Variants in AGFG2 observed in about 807,000 individuals in gnomAD.
AGFG2 encodes the protein arf-GAP domain and FG repeat-containing protein 2.
In AGFG2, 31 loss-of-function variants were observed where a neutral mutation model predicts 48.0. That is an observed-to-expected ratio of 0.65 (90% CI 0.49 to 0.87). The LOEUF (loss-of-function observed/expected upper bound fraction) is 0.87, where lower values mean the gene tolerates loss of function less well. Among genes scored for constraint, AGFG2 ranks in the 40% least tolerant of loss-of-function variants. The probability of loss-of-function intolerance (pLI) is 0.00; values close to 1 mark genes in which losing one functional copy is unlikely to be tolerated. For missense variants in AGFG2, 599 were observed against 632.6 expected, an observed-to-expected ratio of 0.95 and a Z score of 0.57; for synonymous variants, 229 against 260.8, an observed-to-expected ratio of 0.88 and a Z score of 1.18.
chr7:100,541,502 G>A (rs142035668), intron 1 of AGFG2, among the ~76,000 whole-genome samples: 1 of 152,122 alleles, frequency 6.6e-6, no homozygotes, highest in Admixed American at 6.5e-5. Context: ...GGTCGGGCTC[G>A]GTGGCTCAGT....
At position 100,565,276 on chromosome 7, in the gene AGFG2, C is replaced by G. The variant is rs1038117372; in HGVS notation, c.*285C>G. 1.2e-4 allele frequency: 60 copies of G among 515,830 alleles called. No homozygotes were observed. Among genetic ancestry groups the G allele is most frequent in the African/African-American group, 1.0e-3 (53 of 52,062 alleles). 32.0% of individuals were successfully genotyped at this position (515,830 alleles called of 1,614,324 possible). A position where few individuals can be genotyped will look rare whatever the true frequency, so the allele number is the denominator to read the frequency against. On this transcript the variant is annotated 3_prime_UTR_variant, in exon 12 of 12. Transcript: ENST00000300176. Reference sequence around the variant, plus strand: ...GGGGGAGGGATTTTTTTCAAATGATCAGTCCCCTGTGGAACAGCTCTTCCC... The same window carrying G: ...GGGGGAGGGATTTTTTTCAAATGATGAGTCCCCTGTGGAACAGCTCTTCCC...
rs373297543 is a variant in AGFG2 at position 100,551,030 on chromosome 7, TTATATATATATATATATATATA to T, written c.431+535_431+556del. Among the ~76,000 whole-genome samples, 39 of 56,030 alleles carry T rather than the reference TTATATATATATATATATATATA, an allele frequency of 7.0e-4. 2 individuals carry two copies. The East Asian group carries it at 0.011, about 16-fold the overall frequency. 36.8% of individuals were successfully genotyped at this position (56,030 alleles called of 152,430 possible). A position where few individuals can be genotyped will look rare whatever the true frequency, so the allele number is the denominator to read the frequency against. ...GTGTGTGCCACCATGCCTGGCTAAT[TTATATATATATATATATATATA>T]TATATATATATATATTTCTTTTTTT... On this transcript the variant is annotated intron_variant, in intron 3 of 11. Coordinates refer to ENST00000300176, the MANE Select transcript of AGFG2 (RefSeq NM_006076.5).
intron 1 of AGFG2, among the ~76,000 whole-genome samples, chr7:100,540,695 CTG>C (rs568513053): frequency 4.6e-5 from 7 of 152,066 alleles, no homozygotes; most frequent in Non-Finnish European, 7.4e-5. Flanking sequence ...TTTTAAGACA[CTG>C]TTGTTTTTGT....
At chr7:100,556,849 C>G (rs1461762763) in intron 6 of AGFG2, among the ~76,000 whole-genome samples, 1 of 152,194 alleles carries the variant, frequency 6.6e-6, no homozygotes, top group Non-Finnish European at 1.5e-5. Context: ...AGCTGATTAG[C>G]TGCTTTTGTT....
rs116516146 is a variant in AGFG2, at chr7:100,545,926, T to C, written c.222-2896T>C. Reference sequence around the variant, plus strand: ...ATTCAGAAAGAAAAACTCTGACTCATAGGCCATGTAACTAGGCCCCCTTCC... The same window carrying C: ...ATTCAGAAAGAAAAACTCTGACTCACAGGCCATGTAACTAGGCCCCCTTCC... On this transcript the variant is annotated intron_variant, in intron 1 of 11. Transcript: ENST00000300176. 1.7e-3 allele frequency among the ~76,000 whole-genome samples: 264 copies of C among 152,328 alleles called. 2 individuals are homozygous for C. Among genetic ancestry groups the C allele is most frequent in the African/African-American group, 6.1e-3 (252 of 41,580 alleles).
At chr7:100,560,335 C>G (rs534794911) in intron 6 of AGFG2, among the ~76,000 whole-genome samples, 1 of 152,142 alleles carries the variant, frequency 6.6e-6, no homozygotes, top group Non-Finnish European at 1.5e-5. Context: ...TGCACCACCA[C>G]GCCCAGCTTA....
chr7:100,556,500 G>A lies in AGFG2; in HGVS notation c.877+765G>A, dbSNP rs1349308043. 9.7e-6 allele frequency: 11 copies of A among 1,128,476 alleles called. 1 individual carries two copies. The highest frequency in any genetic ancestry group is 4.8e-5 in the African/African-American group (3 of 62,132). 69.9% of individuals were successfully genotyped at this position (1,128,476 alleles called of 1,614,324 possible). The stretch of plus-strand genomic sequence containing the variant: ...TGGGAGGGCAGCTGCAGTGCTCGCC[G>A]TCAGGCTCAGATGTCTGGGGAAAAG... On this transcript the variant is annotated intron_variant, in intron 6 of 11. Transcript: ENST00000300176.
rs747880226 is a variant in AGFG2, at chr7:100,562,870, T to C, written c.1095T>C (p.Thr365=). Residue 365 remains threonine (T), a synonymous_variant, in exon 9 of 12, where the codon ACT becomes ACC. Coordinates refer to ENST00000300176, the MANE Select transcript of AGFG2 (RefSeq NM_006076.5). The surrounding 1 kb of genome is among the most constrained non-coding windows in gnomAD (Gnocchi z 5.4). The part of the protein sequence containing the change: ...SSTGLAFGAF[T]NPFTAPAAQS... The stretch of plus-strand genomic sequence containing the variant: ...CCCATTCCACCTGGGCAGCCTTCAC[T>C]AACCCTTTCACAGCTCCCGCCGCCC... The C allele has an allele frequency of 6.2e-7, 1 of 1,614,076 alleles. No homozygotes were observed. The highest frequency in any genetic ancestry group is 1.1e-5 in the South Asian group (1 of 91,082).
chr7:100,561,480 T>A (rs1168602719), intron 6 of AGFG2, among the ~76,000 whole-genome samples: 4 of 152,176 alleles, frequency 2.6e-5, no homozygotes, highest in Non-Finnish European at 5.9e-5. Context: ...CAGCCCAGTG[T>A]GGTCGATAGG....
In AGFG2 at chr7:100,562,822, C is replaced by A; in HGVS notation, c.1088-41C>A. Reference sequence around the variant, plus strand: ...TGAAGCACGTGAGAAAAAAAGTAACCATCTCTCTCTTTCCTGCCGCTCCCC... The same window carrying A: ...TGAAGCACGTGAGAAAAAAAGTAACAATCTCTCTCTTTCCTGCCGCTCCCC... On this transcript the variant is annotated intron_variant, in intron 8 of 11. Transcript: ENST00000300176. This position sits in a 1 kb window ranked among gnomAD's most constrained non-coding sequence, Gnocchi z 5.4. 1.2e-6 allele frequency: 2 copies of A among 1,607,692 alleles called. No homozygotes were observed. The highest frequency in any genetic ancestry group is 1.7e-6 in the Non-Finnish European group (2 of 1,174,420).
At chr7:100,550,357 C>G in intron 2 of AGFG2, 39 bp from the exon 3 acceptor site, 46 of 882,184 alleles carry the variant, frequency 5.2e-5, no homozygotes, top group Non-Finnish European at 7.6e-5. Flanking sequence ...GTATTTCCTG[C>G]TTTCTGCTCC....
chr7:100,550,124 T>C (rs1439507261), intron 2 of AGFG2, among the ~76,000 whole-genome samples: 1 of 152,026 alleles, frequency 6.6e-6, no homozygotes, highest in South Asian at 2.1e-4. Context: ...CTGGCCAACA[T>C]GGTGAAACCT....
Position 100,565,358 on chromosome 7 carries a change from A to AG in AGFG2, c.*371dup. 3.6e-6 allele frequency: 1 copy of AG among 276,594 alleles called. No homozygotes were observed. The highest frequency in any genetic ancestry group is 7.0e-6 in the Non-Finnish European group (1 of 143,022). The allele number at this position is 276,594 out of a possible 1,614,324, so 17.1% of individuals were successfully genotyped here. A position where few individuals can be genotyped will look rare whatever the true frequency, so the allele number is the denominator to read the frequency against. The stretch of plus-strand genomic sequence containing the variant: ...TGGACGGGAGCGCAGTGGGGAAGGT[A>AG]GGGGAAAGATGAGGCACAGTGTTGA... On this transcript the variant is annotated 3_prime_UTR_variant, in exon 12 of 12. Transcript: ENST00000300176.
At chr7:100,552,134 T>A (rs1348411175) in intron 3 of AGFG2, among the ~76,000 whole-genome samples, 1 of 151,388 alleles carries the variant, frequency 6.6e-6, no homozygotes, top group Non-Finnish European at 1.5e-5. Flanking sequence ...TAATCCGAGC[T>A]ACTCAGGAGG....
In AGFG2 at chr7:100,555,772, C is replaced by T. The variant is rs144639710; in HGVS notation, c.877+37C>T. ...CCCACTGGCTTCCTTTCTCTTCCAACCGTGTCCATTTGTTCATGTCTATAA... is the reference window on the plus strand; with the variant it reads ...CCCACTGGCTTCCTTTCTCTTCCAATCGTGTCCATTTGTTCATGTCTATAA... On this transcript the variant is annotated intron_variant, in intron 6 of 11. Transcript: ENST00000300176. The T allele has an allele frequency of 1.1e-5, 18 of 1,610,268 alleles. No individual in the cohort carries two copies. The African/African-American group carries it at 2.0e-4, about 18-fold the overall frequency.
chr7:100,539,883 G>C (rs184939062), intron 1 of AGFG2, among the ~76,000 whole-genome samples: 16 of 152,244 alleles, frequency 1.1e-4, no homozygotes, highest in Admixed American at 1.0e-3. Flanking sequence ...AGAAAGTGCG[G>C]AGGATGGAAG....
Position 100,563,832 on chromosome 7 carries a change from A to G in AGFG2, c.1172-2A>G. The G allele has an allele frequency of 6.2e-7, 1 of 1,611,256 alleles. No individual in the cohort carries two copies. Among genetic ancestry groups the G allele is most frequent in the Non-Finnish European group, 8.5e-7 (1 of 1,179,936 alleles). On this transcript the variant is annotated splice_acceptor_variant, in intron 9 of 11. Coordinates refer to ENST00000300176, the MANE Select transcript of AGFG2 (RefSeq NM_006076.5). LOFTEE classifies it high-confidence loss of function. ...CTGAGCCTCCCGTCTTTCACTCCATAGGGCCCGGCTTTGGGATGAGCAGTG... is the reference window on the plus strand; with the variant it reads ...CTGAGCCTCCCGTCTTTCACTCCATGGGGCCCGGCTTTGGGATGAGCAGTG...
intron 3 of AGFG2, among the ~76,000 whole-genome samples, chr7:100,551,030 T>TTATATATATACA (rs1800621828): frequency 1.8e-5 from 1 of 56,030 alleles, no homozygotes; most frequent in South Asian, 8.3e-4. Context: ...CCTGGCTAAT[T>TTATATATATACA]TATATATATA....
chr7:100,565,218 G>C lies in AGFG2; in HGVS notation c.*227G>C. 1 of 601,864 alleles carries C rather than the reference G, an allele frequency of 1.7e-6. No homozygotes were observed. The highest frequency in any genetic ancestry group is 1.9e-5 in the South Asian group (1 of 51,344). 37.3% of individuals were successfully genotyped at this position (601,864 alleles called of 1,614,324 possible). On this transcript the variant is annotated 3_prime_UTR_variant, in exon 12 of 12. Transcript: ENST00000300176. The stretch of plus-strand genomic sequence containing the variant: ...CAGGCAGGAAGCCCAGGAGGAGTGC[G>C]GGCAGGGCCTGACCTGGAGGAGTGA...
Sources: gnomAD v4.1 joint callset for allele counts (sites outside exome capture counted in the v4.1 genomes callset) on GRCh38, gnomAD v4.1.1 for gene constraint, Gnocchi (gnomAD v3.1) non-coding constraint, MANE v1.5 for transcripts, NCBI Gene and HGNC (gene_info 2026-07-23, HGNC 2026-07-21) for gene names.